ARAF: variants seen among roughly 807,000 people sequenced by gnomAD.
ARAF encodes serine/threonine-protein kinase A-Raf.
ARAF carries 18 observed loss-of-function variants against 48.0 expected under a neutral mutation model. The ratio of observed to expected loss-of-function variants is 0.37; its 90% confidence interval spans 0.26 to 0.56. The LOEUF (loss-of-function observed/expected upper bound fraction) is 0.56. ARAF is among the 20% of genes least tolerant of loss of function. The probability of loss-of-function intolerance (pLI) is 0.77; values close to 1 mark genes in which losing one functional copy is unlikely to be tolerated. For missense variants in ARAF, 389 were observed against 543.1 expected (o/e 0.72, Z 2.82); for synonymous variants, 207 against 220.1 (o/e 0.94, Z 0.53).
In ARAF at chrX:47,568,908, C is replaced by T; in HGVS notation, c.1253+14C>T. ...CCAGGGCATGGAGTGAGCCTCCCAG[C>T]CTGGGGAGGGGTGGGGGGAAAGGGT... On this transcript the variant is annotated intron_variant, in intron 11 of 15. Coordinates refer to ENST00000377045, the MANE Select transcript of ARAF (RefSeq NM_001654.5). The T allele has an allele frequency of 8.3e-7, 1 of 1,206,107 alleles. No individual in the cohort carries two copies. The highest frequency in any genetic ancestry group is 1.1e-6 in the Non-Finnish European group (1 of 892,665).
In ARAF at chrX:47,564,916, C is replaced by A. The variant is rs370026622; in HGVS notation, c.303+17C>A. The A allele has an allele frequency of 2.5e-6, 3 of 1,208,228 alleles. No homozygotes were observed. The highest frequency in any genetic ancestry group is 5.9e-5 in the East Asian group (2 of 33,775). On this transcript the variant is annotated intron_variant, in intron 4 of 15. Transcript: ENST00000377045. Reference sequence around the variant, plus strand: ...CACAATTTTGTGAGTGCAGGGTGGACGGTGGGGGTGGACCATGGTTGGGGG... The same window carrying A: ...CACAATTTTGTGAGTGCAGGGTGGAAGGTGGGGGTGGACCATGGTTGGGGG...
At position 47,566,733 on chromosome X, in the gene ARAF, G is replaced by A. The variant is rs1345707414; in HGVS notation, c.652G>A (p.Val218Ile). Residue 218 changes from valine (V) to isoleucine (I), a missense_variant, in exon 7 of 16, where the codon GTC becomes ATC. By Grantham distance (29) the Val-to-Ile change is conservative. Around this residue, in one of 4 missense-constraint regions of ARAF, gnomAD observed 154 missense variants for 133.6 expected, o/e 1.15. Transcript: ENST00000377045. ...QRIRSTSTPN[V>I]HMVSTTAPMD... Reference sequence around the variant, plus strand: ...CATCCGCTCCACGTCCACTCCCAACGTCCATATGGTCAGCACCACGGCCCC... The same window carrying A: ...CATCCGCTCCACGTCCACTCCCAACATCCATATGGTCAGCACCACGGCCCC... 3 of 1,208,410 alleles carry A rather than the reference G, an allele frequency of 2.5e-6. No homozygotes were observed. The highest frequency in any genetic ancestry group is 3.0e-5 in the East Asian group (1 of 33,786).
chrX:47,569,564 G>A lies in ARAF; in HGVS notation c.1326G>A (p.Thr442=), dbSNP rs754420498. The A allele has an allele frequency of 9.9e-6, 12 of 1,208,109 alleles. No homozygotes were observed. The Admixed American group carries it at 1.5e-4, about 15-fold the overall frequency. Residue 442 remains threonine, a synonymous_variant, in exon 13 of 16, where the codon ACG becomes ACA. Coordinates refer to ENST00000377045, the MANE Select transcript of ARAF (RefSeq NM_001654.5). ...ACATCTTCCTACATGAGGGGCTCAC[G>A]GTGAAGATCGGTGACTTTGGCTTGG... The part of the protein sequence containing the change: ...SNNIFLHEGL[T]VKIGDFGLAT...
chrX:47,566,746 G>A lies in ARAF; in HGVS notation c.665G>A (p.Ser222Asn), dbSNP rs775214073. The change falls in exon 7 of 16, where the codon AGC (serine) becomes AAC (asparagine). Residue 222 changes from serine to asparagine, a missense_variant. Transcript: ENST00000377045. ...STSTPNVHMVSTTAPMDSNLI... is the reference protein window; with the variant it reads ...STSTPNVHMVNTTAPMDSNLI... Reference sequence around the variant, plus strand: ...TCCACTCCCAACGTCCATATGGTCAGCACCACGGCCCCCATGGACTCCAAC... The same window carrying A: ...TCCACTCCCAACGTCCATATGGTCAACACCACGGCCCCCATGGACTCCAAC... 3.3e-6 allele frequency: 4 copies of A among 1,207,201 alleles called. No individual in the cohort carries two copies. The African/African-American group carries it at 5.3e-5, about 16-fold the overall frequency.
intron 1 of ARAF, among the ~76,000 whole-genome samples, chrX:47,561,808 C>A (rs1482299148): frequency 2.8e-5 from 3 of 108,076 alleles, no homozygotes; most frequent in African/African-American, 1.0e-4. Flanking sequence ...TTTCTCCCCG[C>A]AACACCATAC....
chrX:47,570,305 G>A (rs1040151714), intron 14 of ARAF: 4 of 284,719 alleles, frequency 1.4e-5, no homozygotes, highest in African/African-American at 1.1e-4. Flanking sequence ...AATCCCCTGA[G>A]GCCCCCAAAT....
chrX:47,569,813 T>G, intron 13 of ARAF, 80 bp from the exon 14 acceptor site: 1 of 1,155,680 alleles, frequency 8.7e-7, no homozygotes. Flanking sequence ...TTGTACCCTG[T>G]GTGGCCAGTG....
intron 3 of ARAF, among the ~76,000 whole-genome samples, chrX:47,563,679 C>T (rs1306725830): frequency 8.9e-6 from 1 of 112,515 alleles, no homozygotes; most frequent in Non-Finnish European, 1.9e-5. Context: ...TTTCCTTCTT[C>T]ACAATTCCAA....
chrX:47,563,167 G>A (rs2057717808), intron 2 of ARAF, 59 bp from the exon 3 acceptor site: 2 of 1,158,530 alleles, frequency 1.7e-6, no homozygotes, highest in Admixed American at 4.7e-5. Flanking sequence ...AGAAGGATGG[G>A]AACATCAGCT....
Position 47,566,784 on chromosome X carries a change from G to C in ARAF, c.699+4G>C, listed in dbSNP as rs916455100. The C allele has an allele frequency of 8.3e-7, 1 of 1,208,749 alleles. No individual in the cohort carries two copies. Among genetic ancestry groups the C allele is most frequent in the Non-Finnish European group, 1.1e-6 (1 of 894,497 alleles). ...CATGGACTCCAACCTCATCCAGGTT[G>C]GTGCTGTGGGGGACAATGCCGGGGA... On this transcript the variant is annotated splice_donor_region_variant and intron_variant, in intron 7 of 15. Transcript: ENST00000377045.
At chrX:47,562,542 T>C (rs768707858) in intron 1 of ARAF, among the ~76,000 whole-genome samples, 5 of 107,110 alleles carry the variant, frequency 4.7e-5, no homozygotes, top group Non-Finnish European at 7.7e-5. Flanking sequence ...TGTTCGTGCT[T>C]CTTATGTACC....
intron 1 of ARAF, 77 bp downstream of exon 1, chrX:47,561,328 G>C (rs2057706919): frequency 8.9e-6 from 1 of 112,405 alleles, no homozygotes; most frequent in African/African-American, 3.2e-5. Flanking sequence ...CGAAAGCTCA[G>C]CTCCAGGATG....
intron 10 of ARAF, among the ~76,000 whole-genome samples, 163 bp from the exon 11 acceptor site, chrX:47,568,553 TCA>T (rs1295355864): frequency 1.3e-4 from 14 of 110,890 alleles, no homozygotes; most frequent in African/African-American, 4.6e-4. Context: ...TAAACACATC[TCA>T]CAAATTCATG....
chrX:47,569,699 G>A, intron 13 of ARAF, 42 bp downstream of exon 13: 1 of 1,168,574 alleles, frequency 8.6e-7, no homozygotes, highest in South Asian at 1.8e-5. Context: ...TGGGGACGTG[G>A]GCTCCGGGAT....
chrX:47,564,064 A>G (rs2057721825), intron 3 of ARAF, among the ~76,000 whole-genome samples: 1 of 112,351 alleles, frequency 8.9e-6, no homozygotes, highest in African/African-American at 3.2e-5. Context: ...TATTTCTGCA[A>G]TTTTCAATTT....
intron 3 of ARAF, 75 bp from the exon 4 acceptor site, chrX:47,564,722 G>A (rs1425761187): frequency 9.7e-6 from 8 of 823,418 alleles, no homozygotes; most frequent in Non-Finnish European, 1.4e-5. Context: ...AGGCTTGGAG[G>A]GACTTGTGGG....
At position 47,563,228 on chromosome X, in the gene ARAF, G is replaced by A. The variant is rs1214674508; in HGVS notation, c.99G>A (p.Val33=). ...CCTACATCTGCACATACACACAGGT[G>A]ACTGTCCGGGATGGCATGAGTGTCT... is the stretch of plus-strand genomic sequence containing the variant. ...VYLPNKQRTV[V]TVRDGMSVYD... Residue 33 remains valine, a splice_region_variant and synonymous_variant, in exon 3 of 16, where the codon GTG becomes GTA. Coordinates refer to ENST00000377045, the MANE Select transcript of ARAF (RefSeq NM_001654.5). 8.3e-7 allele frequency: 1 copy of A among 1,209,306 alleles called. No homozygotes were observed. Among genetic ancestry groups the A allele is most frequent in the South Asian group, 1.8e-5 (1 of 56,356 alleles).
Position 47,563,072 on chromosome X carries a change from T to A in ARAF, c.96+9T>A. 8.4e-7 allele frequency: 1 copy of A among 1,189,590 alleles called. No homozygotes were observed. The highest frequency in any genetic ancestry group is 1.8e-5 in the South Asian group (1 of 54,059). On this transcript the variant is annotated intron_variant, in intron 2 of 15. Coordinates refer to ENST00000377045, the MANE Select transcript of ARAF (RefSeq NM_001654.5). ...ACAAGCAACGCACGGTGGTGAGTCA[T>A]GGAAGCGAAATGGCAGGGGCTGTGG...
At chrX:47,564,522 TCTC>T (rs2057723763) in intron 3 of ARAF, among the ~76,000 whole-genome samples, 1 of 112,298 alleles carries the variant, frequency 8.9e-6, no homozygotes, top group Non-Finnish European at 1.9e-5. Flanking sequence ...TTCATTTGCT[TCTC>T]CCCTTCCGTT....
Sources: gnomAD v4.1 joint callset for allele counts (sites outside exome capture counted in the v4.1 genomes callset) on GRCh38, gnomAD v4.1.1 for gene constraint, gnomAD v4.1.1 regional missense constraint, MANE v1.5 for transcripts, NCBI Gene and HGNC (gene_info 2026-07-23, HGNC 2026-07-21) for gene names.